The following TBCK variants were observed in gnomAD, a reference collection of about 807,000 sequenced individuals.
The protein encoded by TBCK is TBC domain-containing protein kinase-like protein.
In TBCK, 99 loss-of-function variants were observed where a neutral mutation model predicts 113.4. The ratio of observed to expected loss-of-function variants is 0.87; its 90% CI spans 0.74 to 1.03. TBCK has a LOEUF of 1.03. Among genes scored for constraint, TBCK ranks in the 50% least tolerant of loss-of-function variants. TBCK has a pLI of 0.00. For missense variants in TBCK, 1,045 were observed against 1,061.3 expected (o/e 0.98, Z 0.21); for synonymous variants, 369 against 370.8 (o/e 1.00, Z 0.05).
chr4:106,248,929 T>C lies in TBCK; in HGVS notation c.712A>G (p.Ile238Val), dbSNP rs1761125510. The change falls in exon 8 of 26, where the codon ATT (isoleucine) becomes GTT (valine). Residue 238 changes from isoleucine to valine, a missense_variant. Ile to Val is a conservative substitution (Grantham distance 29, BLOSUM62 3). Coordinates refer to ENST00000394708, the MANE Select transcript of TBCK (RefSeq NM_001163435.3). The part of the protein sequence containing the change: ...VLAEEHGCLD[I>V]IKELPETVID... Reference sequence around the variant, plus strand: ...CCAGATTAATGACAAACCTTTATAATGTCCAAACAACCATGCTCTTCAGCC... The same window carrying C: ...CCAGATTAATGACAAACCTTTATAACGTCCAAACAACCATGCTCTTCAGCC... The C allele has an allele frequency of 6.2e-7, 1 of 1,606,600 alleles. No homozygotes were observed. The highest frequency in any genetic ancestry group is 8.5e-7 in the Non-Finnish European group (1 of 1,177,660).
chr4:106,301,726 T>C (rs1766966828), intron 2 of TBCK, among the ~76,000 whole-genome samples: 1 of 152,102 alleles, frequency 6.6e-6, no homozygotes, highest in Non-Finnish European at 1.5e-5. Context: ...TGACTCCAAG[T>C]AAGAAGTCAA....
chr4:106,046,698 C>A lies in TBCK; in HGVS notation c.2572-18G>T, dbSNP rs1560575835. ...GCTGCAAACTGGAAAAAAAAAGAGGCAAAATTTTTAGAGGATATACAGAAG... is the reference window on the plus strand; with the variant it reads ...GCTGCAAACTGGAAAAAAAAAGAGGAAAAATTTTTAGAGGATATACAGAAG... On this transcript the variant is annotated intron_variant, in intron 25 of 25. Transcript: ENST00000394708. 2 of 1,448,884 alleles carry A rather than the reference C, an allele frequency of 1.4e-6. No homozygotes were observed. The highest frequency in any genetic ancestry group is 1.2e-5 in the South Asian group (1 of 85,892). 89.8% of individuals were successfully genotyped at this position (1,448,884 alleles called of 1,614,324 possible). A position where few individuals can be genotyped will look rare whatever the true frequency, so the allele number is the denominator to read the frequency against.
At chr4:106,258,399 T>C (rs1762202910) in intron 5 of TBCK, among the ~76,000 whole-genome samples, 1 of 152,076 alleles carries the variant, frequency 6.6e-6, no homozygotes, top group Non-Finnish European at 1.5e-5. Flanking sequence ...GCAAGCTTCT[T>C]CTGGTGTAAA....
chr4:106,315,867 G>C (rs1768780376), intron 1 of TBCK, 64 bp downstream of exon 1: 1 of 152,768 alleles, frequency 6.5e-6, no homozygotes, highest in African/African-American at 2.4e-5. Context: ...GCTCCTGATA[G>C]TCCTCTACCT....
chr4:106,091,831 A>G (rs1273594044), intron 25 of TBCK, among the ~76,000 whole-genome samples: 1 of 152,096 alleles, frequency 6.6e-6, no homozygotes, highest in Non-Finnish European at 1.5e-5. Flanking sequence ...GCCTGCTTTT[A>G]TTCTCTTATC....
intron 25 of TBCK, among the ~76,000 whole-genome samples, chr4:106,068,916 G>A (rs916043549): frequency 6.6e-6 from 1 of 152,120 alleles, no homozygotes; most frequent in African/African-American, 2.4e-5. Context: ...ATTTTTTCAC[G>A]TGTCTGTTGG....
chr4:106,241,094 T>C (rs561342081), intron 12 of TBCK, among the ~76,000 whole-genome samples: 2 of 152,068 alleles, frequency 1.3e-5, no homozygotes, highest in Non-Finnish European at 2.9e-5. Context: ...TTTCAACTTT[T>C]CTGTTTAAAA....
chr4:106,137,484 T>A (rs1207060255), intron 23 of TBCK, among the ~76,000 whole-genome samples: 2 of 140,426 alleles, frequency 1.4e-5, no homozygotes. Context: ...CTCAAAGGAA[T>A]TTTAACAAGA....
At chr4:106,144,913 C>T (rs1488567761) in intron 23 of TBCK, among the ~76,000 whole-genome samples, 1 of 151,768 alleles carries the variant, frequency 6.6e-6, no homozygotes, top group Non-Finnish European at 1.5e-5. Context: ...ATCCCAGCTA[C>T]TCAGGTGGCT....
intron 18 of TBCK, 79 bp from the exon 19 acceptor site, chr4:106,230,525 C>A (rs1338610010): frequency 1.4e-5 from 10 of 699,714 alleles, no homozygotes; most frequent in Non-Finnish European, 2.3e-5. Context: ...TCACTTAGCA[C>A]ATATTCCTTG....
chr4:106,166,001 T>TA (rs914516616), intron 23 of TBCK, among the ~76,000 whole-genome samples: 104 of 151,890 alleles, frequency 6.8e-4, no homozygotes, highest in African/African-American at 2.4e-3. Flanking sequence ...CTACTAGTAA[T>TA]AGAGTACAAT....
At chr4:106,297,195 T>C (rs186197972) in intron 2 of TBCK, among the ~76,000 whole-genome samples, 31 of 152,292 alleles carry the variant, frequency 2.0e-4, no homozygotes, top group Non-Finnish European at 3.8e-4. Context: ...TGAGATTTTA[T>C]TGCAAGCCCA....
At chr4:106,256,141 G>A (rs1294331708) in intron 5 of TBCK, among the ~76,000 whole-genome samples, 1 of 152,152 alleles carries the variant, frequency 6.6e-6, no homozygotes, top group East Asian at 1.9e-4. Flanking sequence ...GGCCATGGGT[G>A]GGCCCAGAAA....
rs1334621925 is a variant in TBCK at position 106,044,655 on chromosome 4, T to G, written c.*1915A>C. The G allele has an allele frequency of 6.6e-6, 1 of 152,204 alleles. No individual in the cohort carries two copies. Among genetic ancestry groups the G allele is most frequent in the Non-Finnish European group, 1.5e-5 (1 of 68,040 alleles). The allele number at this position is 152,204 out of a possible 1,614,324, so 9.4% of individuals were successfully genotyped here. A position where few individuals can be genotyped will look rare whatever the true frequency, so the allele number is the denominator to read the frequency against. On this transcript the variant is annotated 3_prime_UTR_variant, in exon 26 of 26. Transcript: ENST00000394708. Reference sequence around the variant, plus strand: ...TATCAAAGACCTTAGGAGGGGTTAATGTGGAATACCTGCTGATCAGGTAGA... The same window carrying G: ...TATCAAAGACCTTAGGAGGGGTTAAGGTGGAATACCTGCTGATCAGGTAGA...
chr4:106,196,696 T>C (rs1365728806), intron 20 of TBCK, among the ~76,000 whole-genome samples: 1 of 152,124 alleles, frequency 6.6e-6, no homozygotes, highest in African/African-American at 2.4e-5. Context: ...GACTTCACTG[T>C]AATGAGTAAG....
intron 20 of TBCK, among the ~76,000 whole-genome samples, chr4:106,200,203 A>G (rs1754718797): frequency 1.3e-5 from 2 of 152,114 alleles, no homozygotes; most frequent in South Asian, 4.1e-4. Context: ...GCATTTATTC[A>G]TAAGTCAACT....
rs1399848746 is a variant in TBCK at position 106,203,301 on chromosome 4, T to C, written c.1861-8547A>G. On this transcript the variant is annotated intron_variant, in intron 20 of 25. Coordinates refer to ENST00000394708, the MANE Select transcript of TBCK (RefSeq NM_001163435.3). ...ATTTTCACATATATATATATATATA[T>C]ATACTTTCAAAATAAGGAATATATG... 2.7e-5 allele frequency among the ~76,000 whole-genome samples: 4 copies of C among 150,816 alleles called. No homozygotes were observed. In the East Asian group the frequency reaches 7.8e-4, roughly 29 times the overall value.
chr4:106,267,660 C>T (rs939614426), intron 3 of TBCK, among the ~76,000 whole-genome samples: 1 of 151,944 alleles, frequency 6.6e-6, no homozygotes, highest in Admixed American at 6.6e-5. Flanking sequence ...ACCACCACCA[C>T]CATCACCAAA....
In TBCK at chr4:106,193,605, AT is replaced by A. The variant is rs1043132546; in HGVS notation, c.2059+3del. On this transcript the variant is annotated splice_donor_region_variant and intron_variant, in intron 22 of 25. Transcript: ENST00000394708. ...TTAATGGCTCCATTTATTTAGATCT[AT>A]ACCTGGTAAATCGGAGAAGAGAAGA... 10 of 1,613,062 alleles carry A rather than the reference AT, an allele frequency of 6.2e-6. No homozygotes were observed. Among genetic ancestry groups the A allele is most frequent in the East Asian group, 4.5e-5 (2 of 44,856 alleles).
Sources: allele counts gnomAD v4.1 joint callset (sites outside exome capture counted in the v4.1 genomes callset), GRCh38; gene constraint gnomAD v4.1.1; transcripts MANE v1.5; gene names NCBI Gene and HGNC (gene_info 2026-07-23, HGNC 2026-07-21).